BRINP2: variants seen among roughly 807,000 people sequenced by gnomAD.
BRINP2 encodes the protein BMP/retinoic acid inducible neural specific 2.
A neutral mutation model predicts 69.2 loss-of-function variants in BRINP2; 21 were observed. That is an observed-to-expected ratio of 0.30 (90% confidence interval 0.22 to 0.44). The LOEUF (loss-of-function observed/expected upper bound fraction) is 0.44. Ranked by LOEUF, BRINP2 falls within the 20% of genes least tolerant of loss-of-function variation. The pLI, the probability that BRINP2 is intolerant of heterozygous loss-of-function variation, is 1.00. For missense variants in BRINP2, 877 were observed against 986.0 expected (o/e 0.89, Z 1.48); for synonymous variants, 380 against 394.1 (o/e 0.96, Z 0.42).
intron 2 of BRINP2, among the ~76,000 whole-genome samples, chr1:177,235,622 CG>C (rs750154248): frequency 1.3e-5 from 2 of 152,146 alleles, no homozygotes; most frequent in East Asian, 1.9e-4. Flanking sequence ...ATCCGGACCA[CG>C]TCTCTCTGAC....
chr1:177,201,889 G>A (rs898500159), intron 1 of BRINP2, among the ~76,000 whole-genome samples: 1 of 152,116 alleles, frequency 6.6e-6, no homozygotes, highest in Non-Finnish European at 1.5e-5. Flanking sequence ...CCTGTTATTG[G>A]TCTATTCAGA....
chr1:177,240,791 G>T (rs1403183912), intron 2 of BRINP2, among the ~76,000 whole-genome samples: 1 of 152,178 alleles, frequency 6.6e-6, no homozygotes, highest in Non-Finnish European at 1.5e-5. Context: ...GGGTGTGGAA[G>T]GAAGCTTGAC....
intron 4 of BRINP2, among the ~76,000 whole-genome samples, chr1:177,262,890 G>A (rs12028318): frequency 6.6e-6 from 1 of 152,140 alleles, no homozygotes; most frequent in East Asian, 1.9e-4. Flanking sequence ...AGCCCGCTTC[G>A]GTGGCCATAA....
intron 1 of BRINP2, among the ~76,000 whole-genome samples, chr1:177,177,314 A>ACAACAACAG (rs1037277978): frequency 7.2e-5 from 11 of 152,180 alleles, no homozygotes; most frequent in African/African-American, 2.4e-4. Context: ...AACAACAACA[A>ACAACAACAG]CAACAACAAA....
intron 4 of BRINP2, among the ~76,000 whole-genome samples, chr1:177,272,398 A>G (rs151125649): frequency 6.6e-6 from 1 of 152,232 alleles, no homozygotes; most frequent in African/African-American, 2.4e-5. Flanking sequence ...AATGTATTAT[A>G]CATGCATTCT....
chr1:177,262,336 AC>A (rs1438557707), intron 4 of BRINP2, among the ~76,000 whole-genome samples: 1 of 152,004 alleles, frequency 6.6e-6, no homozygotes, highest in Non-Finnish European at 1.5e-5. Flanking sequence ...ACATGGTGAA[AC>A]CCCATCTCTA....
intron 1 of BRINP2, among the ~76,000 whole-genome samples, chr1:177,188,192 C>T (rs894405203): frequency 6.6e-6 from 1 of 152,152 alleles, no homozygotes; most frequent in African/African-American, 2.4e-5. Context: ...GTAACTTACT[C>T]AGCTTCATAT....
chr1:177,193,554 G>A (rs1032261831), intron 1 of BRINP2, among the ~76,000 whole-genome samples: 7 of 152,172 alleles, frequency 4.6e-5, no homozygotes, highest in Non-Finnish European at 1.0e-4. Flanking sequence ...ATAATTGAAC[G>A]AAATTTTAGT....
chr1:177,256,702 T>A lies in BRINP2; in HGVS notation c.461-474T>A, dbSNP rs918807862. On this transcript the variant is annotated intron_variant, in intron 3 of 7. Transcript: ENST00000361539. The stretch of plus-strand genomic sequence containing the variant: ...AGCAGGATTTATTATAACATTTAGC[T>A]CACTGTCCAATCGACTAAAACAAGC... The A allele has an allele frequency of 4.7e-6, 5 of 1,064,872 alleles. No individual in the cohort carries two copies. The South Asian group carries it at 1.2e-4, about 26-fold the overall frequency. 66.0% of individuals were successfully genotyped at this position (1,064,872 alleles called of 1,614,324 possible). A position where few individuals can be genotyped will look rare whatever the true frequency, so the allele number is the denominator to read the frequency against.
At chr1:177,192,155 A>G (rs1321489531) in intron 1 of BRINP2, among the ~76,000 whole-genome samples, 2 of 152,210 alleles carry the variant, frequency 1.3e-5, no homozygotes, top group Admixed American at 1.3e-4. Context: ...AGCAGACATA[A>G]TAGGGGTCTC....
intron 3 of BRINP2, chr1:177,256,606 T>C: frequency 1.0e-6 from 1 of 985,312 alleles, no homozygotes; most frequent in Non-Finnish European, 1.2e-6. Flanking sequence ...GGTGGAGCAA[T>C]GTGGGCTAGG....
intron 1 of BRINP2, among the ~76,000 whole-genome samples, chr1:177,225,768 T>A (rs1016929084): frequency 6.6e-6 from 1 of 152,278 alleles, no homozygotes; most frequent in Non-Finnish European, 1.5e-5. Flanking sequence ...GTTCTAGGGA[T>A]GTTTTTAAAA....
intron 4 of BRINP2, among the ~76,000 whole-genome samples, chr1:177,262,394 C>A (rs938269801): frequency 3.3e-5 from 5 of 152,046 alleles, no homozygotes; most frequent in African/African-American, 4.8e-5. Flanking sequence ...CCCCTGTAGT[C>A]CCAGCTACTT....
chr1:177,217,067 C>T (rs2102315190), intron 1 of BRINP2, among the ~76,000 whole-genome samples: 1 of 151,906 alleles, frequency 6.6e-6, no homozygotes, highest in South Asian at 2.1e-4. Flanking sequence ...ACGTTTTCAT[C>T]CATTATTTCT....
chr1:177,191,844 A>C (rs1185292655), intron 1 of BRINP2, among the ~76,000 whole-genome samples: 1 of 152,252 alleles, frequency 6.6e-6, no homozygotes, highest in African/African-American at 2.4e-5. Context: ...AAACACCAAT[A>C]ATGTGCAGTT....
chr1:177,256,506 C>T (rs1229468760), intron 3 of BRINP2: 1 of 985,286 alleles, frequency 1.0e-6, no homozygotes, highest in Non-Finnish European at 1.2e-6. Flanking sequence ...GACCCCTCTT[C>T]CTCTCTATAA....
At chr1:177,270,701 A>C (rs1227645033) in intron 4 of BRINP2, among the ~76,000 whole-genome samples, 2 of 152,180 alleles carry the variant, frequency 1.3e-5, no homozygotes, top group Non-Finnish European at 2.9e-5. Flanking sequence ...TGGAAAAGCC[A>C]GTGAAAAACC....
intron 1 of BRINP2, among the ~76,000 whole-genome samples, chr1:177,192,729 A>G (rs1648628174): frequency 6.6e-6 from 1 of 152,236 alleles, no homozygotes; most frequent in African/African-American, 2.4e-5. Context: ...AACATTTAAA[A>G]CTTATTTTAC....
At chr1:177,183,137 CTTTT>C (rs71129597) in intron 1 of BRINP2, among the ~76,000 whole-genome samples, 1 of 54,302 alleles carries the variant, frequency 1.8e-5, no homozygotes, top group Non-Finnish European at 3.4e-5. Context: ...AGTGTGTGAG[CTTTT>C]TTTTTTTTTT....
Sources: allele counts gnomAD v4.1 joint callset (sites outside exome capture counted in the v4.1 genomes callset), GRCh38; gene constraint gnomAD v4.1.1; transcripts MANE v1.5; gene names NCBI Gene and HGNC (gene_info 2026-07-23, HGNC 2026-07-21).